Variants in SNAP29 observed in about 807,000 individuals in gnomAD.
SNAP29 encodes the protein synaptosomal-associated protein 29.
SNAP29 carries 13 observed loss-of-function variants against 27.9 expected under a neutral mutation model. The observed-to-expected ratio is 0.47, with a 90% CI of 0.30 to 0.74. SNAP29 has a LOEUF of 0.74. Among genes scored for constraint, SNAP29 ranks in the 30% least tolerant of loss-of-function variants. The pLI, the probability that SNAP29 is intolerant of heterozygous loss-of-function variation, is 0.06. For missense variants in SNAP29, 368 were observed against 336.5 expected (o/e 1.09, Z -0.73); for synonymous variants, 119 against 127.1 (o/e 0.94, Z 0.43).
rs751575036 is a variant in SNAP29 at position 20,870,447 on chromosome 22, T to TG, written c.354dup (p.Leu119AlafsTer15). ...ACATCAATAGCATTAAGAGCGTGTT[T>TG]GGGGGGCTGGTCAATTACTTCAAAT... On this transcript the variant is annotated frameshift_variant, in exon 2 of 5. Coordinates refer to ENST00000215730, the MANE Select transcript of SNAP29 (RefSeq NM_004782.4). LOFTEE classifies it high-confidence loss of function. The TG allele has an allele frequency of 1.5e-5, 25 of 1,614,004 alleles. No individual in the cohort carries two copies. In the Admixed American group the frequency reaches 2.7e-4, roughly 17 times the overall value.
chr22:20,881,425 C>T (rs1465529893), intron 3 of SNAP29, among the ~76,000 whole-genome samples: 1 of 152,216 alleles, frequency 6.6e-6, no homozygotes, highest in Non-Finnish European at 1.5e-5. Context: ...CCCGGCCAGC[C>T]TGGTGCAGTA....
At chr22:20,859,985 TAAGA>T (rs1210202964) in intron 1 of SNAP29, among the ~76,000 whole-genome samples, 1 of 152,140 alleles carries the variant, frequency 6.6e-6, no homozygotes, top group Non-Finnish European at 1.5e-5. Context: ...GTGTGCGGGT[TAAGA>T]GTTTGTTGCT....
In SNAP29 at chr22:20,887,612, A is replaced by G; in HGVS notation, c.620-67A>G. 7 of 1,559,498 alleles carry G rather than the reference A, an allele frequency of 4.5e-6. No individual in the cohort carries two copies. In the South Asian group the frequency reaches 7.8e-5, roughly 17 times the overall value. On this transcript the variant is annotated intron_variant, in intron 4 of 4. Transcript: ENST00000215730. ...CCTGTCTCTCCCACTTACCCACACC[A>G]TCAAGAAGCATTTGCAGGTGCCGTG...
intron 2 of SNAP29, among the ~76,000 whole-genome samples, chr22:20,871,971 A>G (rs1322564091): frequency 6.6e-6 from 1 of 152,134 alleles, no homozygotes; most frequent in Non-Finnish European, 1.5e-5. Context: ...GTAGATTACT[A>G]TTGTTTGTAT....
chr22:20,872,177 A>T (rs544918733), intron 2 of SNAP29, among the ~76,000 whole-genome samples: 1 of 152,152 alleles, frequency 6.6e-6, no homozygotes, highest in African/African-American at 2.4e-5. Context: ...GCTTGATATT[A>T]TGTGATAACT....
chr22:20,875,105 T>A (rs963167696), intron 2 of SNAP29, among the ~76,000 whole-genome samples: 1 of 152,104 alleles, frequency 6.6e-6, no homozygotes, highest in African/African-American at 2.4e-5. Context: ...GCAGTTTTCT[T>A]TTTTTGGAGC....
intron 1 of SNAP29, among the ~76,000 whole-genome samples, chr22:20,869,658 A>AG (rs1928538734): frequency 6.6e-6 from 1 of 152,192 alleles, no homozygotes; most frequent in South Asian, 2.1e-4. Flanking sequence ...ACCAAAGTCC[A>AG]GGGGGCAGTG....
At chr22:20,885,220 G>A (rs1001658013) in intron 4 of SNAP29, among the ~76,000 whole-genome samples, 1 of 152,084 alleles carries the variant, frequency 6.6e-6, no homozygotes, top group Non-Finnish European at 1.5e-5. Flanking sequence ...AATCTCCCCC[G>A]TGGTGACCTG....
At chr22:20,874,816 T>C (rs1928702095) in intron 2 of SNAP29, among the ~76,000 whole-genome samples, 3 of 151,980 alleles carry the variant, frequency 2.0e-5, no homozygotes, top group Admixed American at 1.3e-4. Flanking sequence ...AATATACATA[T>C]CAGAAAGATG....
intron 4 of SNAP29, among the ~76,000 whole-genome samples, chr22:20,887,334 G>T (rs1037561135): frequency 6.6e-6 from 1 of 151,786 alleles, no homozygotes; most frequent in African/African-American, 2.4e-5. Context: ...AATCTTGCAA[G>T]TAAGAAGGCT....
At chr22:20,885,907 C>T (rs1929003023) in intron 4 of SNAP29, among the ~76,000 whole-genome samples, 1 of 152,198 alleles carries the variant, frequency 6.6e-6, no homozygotes, top group Non-Finnish European at 1.5e-5. Flanking sequence ...GGATCTCAGG[C>T]AAGCTCTCTG....
chr22:20,871,304 G>A (rs1293538484), intron 2 of SNAP29, among the ~76,000 whole-genome samples: 13 of 149,552 alleles, frequency 8.7e-5, no homozygotes, highest in Non-Finnish European at 8.9e-5. Context: ...GCAAAGACCC[G>A]TCTCTATAAA....
intron 2 of SNAP29, among the ~76,000 whole-genome samples, chr22:20,880,094 G>C (rs1928856206): frequency 6.6e-6 from 1 of 152,064 alleles, no homozygotes; most frequent in Non-Finnish European, 1.5e-5. Flanking sequence ...TGAAACTCTT[G>C]AGGTTCTAAG....
chr22:20,873,229 T>C (rs1346511382), intron 2 of SNAP29, among the ~76,000 whole-genome samples: 2 of 152,122 alleles, frequency 1.3e-5, no homozygotes, highest in Non-Finnish European at 2.9e-5. Context: ...CAGGTTGGTC[T>C]TGAACTCCTG....
intron 4 of SNAP29, among the ~76,000 whole-genome samples, chr22:20,884,798 A>G (rs1024911322): frequency 4.3e-5 from 6 of 140,106 alleles, no homozygotes; most frequent in Non-Finnish European, 7.9e-5. Context: ...GTTTTGAGAC[A>G]GAGTTTTGCT....
rs750324819 is a variant in SNAP29 at position 20,859,062 on chromosome 22, C to T, written c.-49C>T. 4 of 1,479,484 alleles carry T rather than the reference C, an allele frequency of 2.7e-6. No homozygotes were observed. Among genetic ancestry groups the T allele is most frequent in the Admixed American group, 3.7e-5 (2 of 54,306 alleles). 91.6% of individuals were successfully genotyped at this position (1,479,484 alleles called of 1,614,324 possible). On this transcript the variant is annotated 5_prime_UTR_variant, in exon 1 of 5. Coordinates refer to ENST00000215730, the MANE Select transcript of SNAP29 (RefSeq NM_004782.4). ...GGGGCGAGGCCCTGGACGGCGGCGG[C>T]AGTGGGGCTCCTCCTTCTGTTTCCC...
intron 2 of SNAP29, among the ~76,000 whole-genome samples, chr22:20,880,772 C>T (rs570371520): frequency 6.6e-6 from 1 of 152,178 alleles, no homozygotes; most frequent in African/African-American, 2.4e-5. Flanking sequence ...AGGCAATTCT[C>T]CCACCTCAGT....
intron 2 of SNAP29, among the ~76,000 whole-genome samples, chr22:20,878,149 T>C (rs950113779): frequency 2.6e-5 from 4 of 152,156 alleles, no homozygotes; most frequent in Admixed American, 6.5e-5. Context: ...TGCTTGCCAG[T>C]ATTGCTTTAG....
chr22:20,877,325 G>A (rs979393220), intron 2 of SNAP29, among the ~76,000 whole-genome samples: 5 of 152,208 alleles, frequency 3.3e-5, no homozygotes, highest in Non-Finnish European at 4.4e-5. Context: ...GGGAGGCCAA[G>A]GAGGGTGGAT....
Sources: gnomAD v4.1 joint callset for allele counts (sites outside exome capture counted in the v4.1 genomes callset) on GRCh38, gnomAD v4.1.1 for gene constraint, MANE v1.5 for transcripts, NCBI Gene and HGNC (gene_info 2026-07-23, HGNC 2026-07-21) for gene names.